Variants in LIMS2 observed in about 807,000 individuals in gnomAD.
The protein encoded by LIMS2 is LIM zinc finger domain containing 2.
Under a neutral mutation model 45.3 loss-of-function variants are expected in LIMS2, and 30 were observed. The ratio of observed to expected loss-of-function variants is 0.66; its 90% CI spans 0.50 to 0.90. LIMS2 has a LOEUF of 0.90. Ranked by LOEUF, LIMS2 falls within the 40% of genes least tolerant of loss-of-function variation. LIMS2 has a pLI of 0.00. For missense variants in LIMS2, 485 were observed against 468.7 expected (o/e 1.03, Z -0.32); for synonymous variants, 173 against 188.0 (o/e 0.92, Z 0.65).
At chr2:127,665,697 TAAC>T (rs775301405) in intron 1 of LIMS2, among the ~76,000 whole-genome samples, 1 of 152,196 alleles carries the variant, frequency 6.6e-6, no homozygotes, top group Admixed American at 6.5e-5. Context: ...AAAATGTTCT[TAAC>T]AGCAGCTACA....
At chr2:127,651,512 G>C in intron 4 of LIMS2, 2 of 1,612,698 alleles carry the variant, frequency 1.2e-6, no homozygotes. Flanking sequence ...CCGTCTACGT[G>C]CTGCACTACC....
At chr2:127,663,629 C>CT (rs1684819136) in intron 1 of LIMS2, among the ~76,000 whole-genome samples, 1 of 151,900 alleles carries the variant, frequency 6.6e-6, no homozygotes, top group Non-Finnish European at 1.5e-5. Context: ...CCTCCCTGCC[C>CT]CCCCGCCCCA....
chr2:127,673,455 G>A (rs1685361811), intron 1 of LIMS2, among the ~76,000 whole-genome samples: 1 of 152,286 alleles, frequency 6.6e-6, no homozygotes, highest in South Asian at 2.1e-4. Context: ...CAGCAGCAAG[G>A]GAAGGCTGAC....
In LIMS2 at chr2:127,642,114, C is replaced by G. The variant is rs747408703; in HGVS notation, c.595G>C (p.Gly199Arg). 5 of 1,608,024 alleles carry G rather than the reference C, an allele frequency of 3.1e-6. No homozygotes were observed. In the African/African-American group the frequency reaches 5.3e-5, roughly 17 times the overall value. The change falls in exon 6 of 10, where the codon GGG becomes CGG. Residue 199 changes from glycine to arginine, a missense_variant. Gly to Arg is a moderately radical substitution (Grantham distance 125, BLOSUM62 -2). Transcript: ENST00000355119. The surrounding 1 kb of genome is among the most constrained non-coding windows in gnomAD (Gnocchi z 5.3). ...CCCTCGATGGGCCGGCGGCAGGCCC[C>G]GCAGATGGGGACGCCCATCTTGTCA... ...CHDKMGVPIC[G>R]ACRRPIEGRV...
At chr2:127,650,562 T>C in intron 4 of LIMS2, 1 of 612,404 alleles carries the variant, frequency 1.6e-6, no homozygotes, top group Admixed American at 2.9e-5. Flanking sequence ...GCACACCAAA[T>C]GGACAAGGAG....
intron 9 of LIMS2, 135 bp downstream of exon 9, chr2:127,639,935 A>G (rs530795563): frequency 7.6e-5 from 68 of 899,504 alleles, no homozygotes; most frequent in Admixed American, 6.2e-4. Flanking sequence ...CCTGGGTGGT[A>G]TAAGGCCGGG....
At chr2:127,676,119 A>T (rs55885920), upstream of LIMS2, among the ~76,000 whole-genome samples, 1,088 of 152,368 alleles carry the variant, frequency 7.1e-3, 12 homozygotes, top group Middle Eastern at 0.024. Flanking sequence ...CTAAAGGCAG[A>T]TATTTCCAGC....
chr2:127,644,659 T>C (rs566147737), intron 4 of LIMS2, among the ~76,000 whole-genome samples: 1 of 152,366 alleles, frequency 6.6e-6, no homozygotes, highest in East Asian at 1.9e-4. Flanking sequence ...GTCTCAAAGA[T>C]GCAGGAATCA....
Position 127,639,300 on chromosome 2 carries a change from G to C in LIMS2, c.1007C>G (p.Thr336Arg). Residue 336 changes from threonine to arginine, a missense_variant, in exon 10 of 10, where the codon ACA (threonine) becomes AGA (arginine). Physicochemically the swap from Thr to Arg is moderately conservative, Grantham distance 71. Coordinates refer to ENST00000355119, the MANE Select transcript of LIMS2 (RefSeq NM_001161403.3). ...LTSRKAQPKA[T>R]DLNSA ...GGGCCTTCAGGCAGAGTTGAGGTCT[G>C]TGGCCTTGGGCTGGGCCTTGCGGGA... 6.2e-7 allele frequency: 1 copy of C among 1,613,818 alleles called. No individual in the cohort carries two copies.
At chr2:127,641,294 C>A in intron 6 of LIMS2, 1 of 278,698 alleles carries the variant, frequency 3.6e-6, no homozygotes, top group Non-Finnish European at 7.0e-6. Context: ...AGTCTGGCCT[C>A]CCCCTCGGCA....
intron 1 of LIMS2, among the ~76,000 whole-genome samples, chr2:127,658,513 T>C (rs1246596757): frequency 2.0e-5 from 3 of 152,172 alleles, no homozygotes; most frequent in Non-Finnish European, 2.9e-5. Context: ...GGTTTCCTTC[T>C]GGGAGGGGTG....
chr2:127,642,861 C>A lies in LIMS2; in HGVS notation c.509+62G>T. The stretch of plus-strand genomic sequence containing the variant: ...TTCCCCAGGTGGAGGCCCCACCGCC[C>A]TTACCCTGGGCCAGCCCTGGCTCCC... On this transcript the variant is annotated intron_variant, in intron 5 of 9. Transcript: ENST00000355119. This position sits in a 1 kb window ranked among gnomAD's most constrained non-coding sequence, Gnocchi z 5.3. The A allele has an allele frequency of 6.5e-7, 1 of 1,527,278 alleles. No homozygotes were observed. The highest frequency in any genetic ancestry group is 8.8e-7 in the Non-Finnish European group (1 of 1,132,350). The allele number at this position is 1,527,278 out of a possible 1,614,324, so 94.6% of individuals were successfully genotyped here.
At chr2:127,650,365 A>G in intron 4 of LIMS2, 1 of 534,138 alleles carries the variant, frequency 1.9e-6, no homozygotes, top group East Asian at 3.2e-5. Context: ...GGCAGAACAG[A>G]AAACCCAGAG....
chr2:127,644,012 G>A (rs1682692608), intron 4 of LIMS2: 2 of 455,722 alleles, frequency 4.4e-6, no homozygotes, highest in Admixed American at 2.4e-5. Context: ...AGGTTATGGT[G>A]GGCAGACCCC....
chr2:127,650,778 T>C (rs371569724), intron 4 of LIMS2: 74 of 1,613,764 alleles, frequency 4.6e-5, no homozygotes, highest in Non-Finnish European at 6.1e-5. Context: ...GATCACCAAC[T>C]TCTCCCTGGC....
At chr2:127,649,437 A>G (rs1450421114) in intron 4 of LIMS2, among the ~76,000 whole-genome samples, 1 of 152,202 alleles carries the variant, frequency 6.6e-6, no homozygotes, top group Non-Finnish European at 1.5e-5. Context: ...GGATACTGGG[A>G]AGCCAGGTGC....
At position 127,675,197 on chromosome 2, in the gene LIMS2, G is replaced by C. The variant is rs1219228930; in HGVS notation, c.-173C>G. ...AGGGGTGGGCGGGGGTGGCAGGGTG[G>C]GGCCCGCGGGGCGGGGTGGGATGGG... On this transcript the variant is annotated 5_prime_UTR_variant, in exon 1 of 10. Transcript: ENST00000355119. 8 of 412,458 alleles carry C rather than the reference G, an allele frequency of 1.9e-5. No individual in the cohort carries two copies. The highest frequency in any genetic ancestry group is 2.8e-5 in the Non-Finnish European group (7 of 250,108). The allele number at this position is 412,458 out of a possible 1,614,324, so 25.5% of individuals were successfully genotyped here. A position where few individuals can be genotyped will look rare whatever the true frequency, so the allele number is the denominator to read the frequency against.
chr2:127,644,730 AC>A (rs1335795524), intron 4 of LIMS2, among the ~76,000 whole-genome samples: 1 of 152,140 alleles, frequency 6.6e-6, no homozygotes, highest in Non-Finnish European at 1.5e-5. Flanking sequence ...GACAGTGATC[AC>A]CCCAATAACA....
intron 1 of LIMS2, among the ~76,000 whole-genome samples, chr2:127,668,568 C>G (rs1174699288): frequency 6.7e-6 from 1 of 148,242 alleles, no homozygotes; most frequent in Non-Finnish European, 1.5e-5. Flanking sequence ...ACTCAGAAGG[C>G]TGAGGCAGGA....
Sources: allele counts gnomAD v4.1 joint callset (sites outside exome capture counted in the v4.1 genomes callset), GRCh38; gene constraint gnomAD v4.1.1; non-coding constraint Gnocchi (gnomAD v3.1); transcripts MANE v1.5; gene names NCBI Gene and HGNC (gene_info 2026-07-23, HGNC 2026-07-21).